The following EVC variants were observed in gnomAD, a reference collection of about 807,000 sequenced individuals.
EVC encodes evC complex member EVC.
EVC carries 116 observed loss-of-function variants against 118.9 expected under a neutral mutation model. The ratio of observed to expected loss-of-function variants is 0.98; its 90% CI spans 0.84 to 1.14. The LOEUF (loss-of-function observed/expected upper bound fraction) is 1.14. Among genes scored for constraint, EVC ranks in the 50% most tolerant of loss-of-function variants. The probability of loss-of-function intolerance (pLI) is 0.00; values close to 1 mark genes in which losing one functional copy is unlikely to be tolerated. For synonymous variants in EVC, 619 were observed against 534.7 expected, an observed-to-expected ratio of 1.16 and a Z score of -2.18; for missense variants, 1,401 against 1,246.4, an observed-to-expected ratio of 1.12 and a Z score of -1.87.
chr4:5,733,247 G>C, intron 4 of EVC, 104 bp from the exon 5 acceptor site: 1 of 898,628 alleles, frequency 1.1e-6, no homozygotes, highest in Non-Finnish European at 1.8e-6. Context: ...GAGAGTTTGA[G>C]GCAGGGTGTG....
In EVC at chr4:5,758,043, G is replaced by A. The variant is rs572128908; in HGVS notation, c.1563+1681G>A. 1.8e-4 allele frequency: 124 copies of A among 702,124 alleles called. 2 individuals carry two copies. Among genetic ancestry groups the A allele is most frequent in the African/African-American group, 1.3e-3 (77 of 57,342 alleles). The allele number at this position is 702,124 out of a possible 1,614,324, so 43.5% of individuals were successfully genotyped here. On this transcript the variant is annotated intron_variant, in intron 11 of 20. Transcript: ENST00000264956. ...CAGTTGGTTAGGTCCTACTGGATTC[G>A]GGTGGGCCCTAATTCTAATGGCTGG...
In EVC at chr4:5,763,577, T is replaced by G. The variant is rs1194439070; in HGVS notation, c.1563+7215T>G. Among the ~76,000 whole-genome samples, 11 of 131,352 alleles carry G rather than the reference T, an allele frequency of 8.4e-5. 1 individual carries two copies. The highest frequency in any genetic ancestry group is 2.5e-4 in the Admixed American group (3 of 11,810). 86.2% of individuals were successfully genotyped at this position (131,352 alleles called of 152,430 possible). On this transcript the variant is annotated intron_variant, in intron 11 of 20. Transcript: ENST00000264956. ...TTGTTTGTATCCTCTTTTATTTCAT[T>G]GAGCAGTGGTTTGTAGTTCTCCTTG...
At chr4:5,785,412 C>G (rs570866578) in intron 12 of EVC, among the ~76,000 whole-genome samples, 1 of 152,298 alleles carries the variant, frequency 6.6e-6, no homozygotes, top group East Asian at 1.9e-4. Context: ...TACAAAAGAC[C>G]AGTGTGACTG....
At chr4:5,750,150 C>G (rs548304148) in intron 8 of EVC, among the ~76,000 whole-genome samples, 1 of 152,166 alleles carries the variant, frequency 6.6e-6, no homozygotes, top group Non-Finnish European at 1.5e-5. Flanking sequence ...CTAAGATCCC[C>G]GTCCTCTCTA....
At chr4:5,801,099 A>G (rs1353994861) in intron 15 of EVC, among the ~76,000 whole-genome samples, 1 of 152,190 alleles carries the variant, frequency 6.6e-6, no homozygotes, top group Non-Finnish European at 1.5e-5. Context: ...TGGTCTGAAG[A>G]TGCATCATGT....
At chr4:5,785,181 T>G (rs1736233244) in intron 12 of EVC, among the ~76,000 whole-genome samples, 3 of 152,174 alleles carry the variant, frequency 2.0e-5, no homozygotes, top group African/African-American at 7.2e-5. Context: ...GTCCCATTCT[T>G]CCTTCTTAGA....
At chr4:5,784,067 A>G (rs925199375) in intron 12 of EVC, among the ~76,000 whole-genome samples, 2 of 152,178 alleles carry the variant, frequency 1.3e-5, no homozygotes, top group African/African-American at 4.8e-5. Context: ...AAAGGGGTTC[A>G]CAGGGAGTGG....
intron 8 of EVC, among the ~76,000 whole-genome samples, chr4:5,748,754 A>T: frequency 1.6e-5 from 1 of 62,184 alleles, no homozygotes; most frequent in South Asian, 5.2e-4. Flanking sequence ...CCATCCATCC[A>T]TTTACTCATC....
intron 1 of EVC, among the ~76,000 whole-genome samples, chr4:5,715,606 A>G (rs1223448752): frequency 6.6e-6 from 1 of 152,210 alleles, no homozygotes; most frequent in Non-Finnish European, 1.5e-5. Flanking sequence ...GCTTTTTCAA[A>G]AAGGGATGGA....
the EVC span, among the ~76,000 whole-genome samples, chr4:5,820,264 CCATCATCATCACCACTATCGTCACCAT>C: frequency 3.3e-5 from 5 of 152,160 alleles, no homozygotes; most frequent in African/African-American, 1.2e-4. Flanking sequence ...ACCAACACCA[CCATCATCATCACCACTATCGTCACCAT>C]CATCACCATC....
At chr4:5,735,016 C>G (rs1307587036) in intron 5 of EVC, among the ~76,000 whole-genome samples, 1 of 152,156 alleles carries the variant, frequency 6.6e-6, no homozygotes, top group Non-Finnish European at 1.5e-5. Flanking sequence ...AGCGAGTGTC[C>G]ACAGGGAGCA....
In EVC at chr4:5,804,757, G is replaced by A. The variant is rs756255427; in HGVS notation, c.2477G>A (p.Arg826Gln). The change falls in exon 17 of 21, where the codon CGG becomes CAG. Residue 826 changes from arginine to glutamine, a missense_variant. Coordinates refer to ENST00000264956, the MANE Select transcript of EVC (RefSeq NM_153717.3). ...QGERMENYKL[R>Q]KKQELSNPSS... ...GAGAGGATGGAAAATTACAAACTGC[G>A]GAAAAAGCAAGAACTCAGCAACCCT... is the stretch of plus-strand genomic sequence containing the variant. 2.1e-5 allele frequency: 34 copies of A among 1,614,010 alleles called. No individual in the cohort carries two copies. The Middle Eastern group carries it at 6.6e-4, about 31-fold the overall frequency.
chr4:5,741,896 C>A (rs1332010515), intron 6 of EVC, 82 bp downstream of exon 6: 17 of 687,178 alleles, frequency 2.5e-5, no homozygotes, highest in Non-Finnish European at 4.3e-5. Flanking sequence ...AAATTTTTTT[C>A]TTTCATGTAT....
chr4:5,824,545 T>C, the EVC span: 1 of 983,932 alleles, frequency 1.0e-6, no homozygotes, highest in Admixed American at 6.1e-5. Flanking sequence ...TCGCCTTTCC[T>C]GACCAGGAAT....
At chr4:5,799,857 T>C (rs1329488446) in intron 15 of EVC, among the ~76,000 whole-genome samples, 3 of 152,218 alleles carry the variant, frequency 2.0e-5, no homozygotes, top group African/African-American at 7.2e-5. Context: ...CAATTAGGGC[T>C]GTGCCTGGCT....
chr4:5,815,588 T>TC (rs1335474108), downstream of EVC, among the ~76,000 whole-genome samples: 1 of 151,996 alleles, frequency 6.6e-6, no homozygotes, highest in African/African-American at 2.4e-5. Flanking sequence ...GTATTTCTCC[T>TC]CCTCCCCAGA....
rs532564135 is a variant in EVC at position 5,798,905 on chromosome 4, C to G, written c.2304+113C>G. 18 of 1,133,032 alleles carry G rather than the reference C, an allele frequency of 1.6e-5. No homozygotes were observed. In the African/African-American group the frequency reaches 2.0e-4, roughly 13 times the overall value. 70.2% of individuals were successfully genotyped at this position (1,133,032 alleles called of 1,614,324 possible). ...TTCATGGAGCTTGTGGCCTAGTAGA[C>G]TTTGCCTGACTTCTCCATGACTTGA... On this transcript the variant is annotated intron_variant, in intron 15 of 20. Coordinates refer to ENST00000264956, the MANE Select transcript of EVC (RefSeq NM_153717.3). This position sits in a 1 kb window ranked among gnomAD's most constrained non-coding sequence, Gnocchi z 4.1.
At chr4:5,773,466 C>T (rs1423669998) in intron 11 of EVC, among the ~76,000 whole-genome samples, 6 of 152,156 alleles carry the variant, frequency 3.9e-5, no homozygotes, top group Non-Finnish European at 8.8e-5. Context: ...GCACACCTCA[C>T]TTCCACCTCA....
rs368898313 is a variant in EVC at position 5,804,520 on chromosome 4, G to A, written c.2450-210G>A. On this transcript the variant is annotated intron_variant, in intron 16 of 20. Transcript: ENST00000264956. ...AAGCTACAGGTGGAGCAGGTGGACA[G>A]GGCGCATCATAGTTTCGCTCTGCAG... Among the ~76,000 whole-genome samples, 57 of 152,294 alleles carry A rather than the reference G, an allele frequency of 3.7e-4. 2 individuals carry two copies. Among genetic ancestry groups the A allele is most frequent in the African/African-American group, 1.2e-3 (51 of 41,572 alleles).
Sources: gnomAD v4.1 joint callset for allele counts (sites outside exome capture counted in the v4.1 genomes callset) on GRCh38, gnomAD v4.1.1 for gene constraint, Gnocchi (gnomAD v3.1) non-coding constraint, MANE v1.5 for transcripts, NCBI Gene and HGNC (gene_info 2026-07-23, HGNC 2026-07-21) for gene names.